Variants in TRIM2 observed in about 807,000 individuals in gnomAD.
The protein encoded by TRIM2 is tripartite motif containing 2.
In TRIM2, 20 loss-of-function variants were observed where a neutral mutation model predicts 75.2. That is an observed-to-expected ratio of 0.27 (90% CI 0.19 to 0.39). TRIM2 has a LOEUF of 0.39. Among genes scored for constraint, TRIM2 ranks in the 10% least tolerant of loss-of-function variants. The pLI is 1.00. For synonymous variants in TRIM2, 373 were observed against 388.3 expected, an observed-to-expected ratio of 0.96 and a Z score of 0.46; for missense variants, 660 against 990.8, an observed-to-expected ratio of 0.67 and a Z score of 4.48.
intron 1 of TRIM2, among the ~76,000 whole-genome samples, chr4:153,246,023 G>C (rs549918491): frequency 6.6e-6 from 1 of 152,224 alleles, no homozygotes; most frequent in East Asian, 1.9e-4. Flanking sequence ...CAATAAAATT[G>C]GGCAGTTGCA....
At chr4:153,314,949 A>G (rs1209918296) in intron 6 of TRIM2, among the ~76,000 whole-genome samples, 1 of 152,200 alleles carries the variant, frequency 6.6e-6, no homozygotes, top group African/African-American at 2.4e-5. Flanking sequence ...CCCCTTTGCC[A>G]GGTTTCCCTC....
In TRIM2 at chr4:153,194,873, A is replaced by G. The variant is rs575903321; in HGVS notation, c.-49+41603A>G. 1.0e-3 allele frequency among the ~76,000 whole-genome samples: 153 copies of G among 152,226 alleles called. 8 individuals are homozygous for G. The South Asian group carries it at 0.031, about 31-fold the overall frequency. ...TATTTTCCCTTTAGGGATTGATTAC[A>G]CTTATTTCTGTCTCCCTTGCCTGTG... On this transcript the variant is annotated intron_variant, in intron 1 of 11. Transcript: ENST00000437508.
intron 11 of TRIM2, among the ~76,000 whole-genome samples, chr4:153,331,783 G>C (rs566816881): frequency 6.6e-6 from 1 of 152,278 alleles, no homozygotes; most frequent in African/African-American, 2.4e-5. Flanking sequence ...ATGTAATATG[G>C]TGGAGGAATA....
At chr4:153,244,104 G>A in intron 1 of TRIM2, among the ~76,000 whole-genome samples, 1 of 151,132 alleles carries the variant, frequency 6.6e-6, no homozygotes, top group African/African-American at 2.5e-5. Flanking sequence ...ACACACATGA[G>A]CTACTGTGCC....
intron 3 of TRIM2, among the ~76,000 whole-genome samples, chr4:153,280,121 A>G (rs549532887): frequency 3.3e-5 from 5 of 151,178 alleles, no homozygotes; most frequent in Admixed American, 3.3e-4. Flanking sequence ...AGTTAGAAAA[A>G]GAGTAATAAA....
chr4:153,318,609 A>G (rs564943515), intron 8 of TRIM2, among the ~76,000 whole-genome samples: 2 of 152,344 alleles, frequency 1.3e-5, no homozygotes, highest in East Asian at 1.9e-4. Context: ...GAATATTTAT[A>G]TCTTGAATAT....
chr4:153,319,338 C>A (rs1768400987), intron 8 of TRIM2, among the ~76,000 whole-genome samples: 1 of 152,178 alleles, frequency 6.6e-6, no homozygotes, highest in Non-Finnish European at 1.5e-5. Flanking sequence ...CCTCTGGCCA[C>A]CTTACTCTAA....
At chr4:153,250,399 C>T (rs907792579) in intron 1 of TRIM2, among the ~76,000 whole-genome samples, 3 of 152,142 alleles carry the variant, frequency 2.0e-5, no homozygotes, top group Admixed American at 6.6e-5. Flanking sequence ...GGATTACAGG[C>T]GTGAGCCACC....
intron 1 of TRIM2, among the ~76,000 whole-genome samples, chr4:153,189,751 G>A (rs530577195): frequency 9.2e-5 from 14 of 152,196 alleles, no homozygotes; most frequent in African/African-American, 3.1e-4. Flanking sequence ...AGCCACCTGC[G>A]GTTTATTTAA....
At chr4:153,320,902 G>A (rs997908306) in intron 8 of TRIM2, among the ~76,000 whole-genome samples, 1 of 152,140 alleles carries the variant, frequency 6.6e-6, no homozygotes, top group Non-Finnish European at 1.5e-5. Flanking sequence ...AAAGTGCTGG[G>A]ATTACAGGTG....
chr4:153,328,420 A>G (rs1770714473), intron 10 of TRIM2, 110 bp from the exon 11 acceptor site: 2 of 1,004,182 alleles, frequency 2.0e-6, no homozygotes, highest in Non-Finnish European at 2.8e-6. Context: ...AATGTCTTAA[A>G]TGATAAGTCT....
chr4:153,179,270 A>C (rs1478703694), intron 1 of TRIM2, among the ~76,000 whole-genome samples: 2 of 149,776 alleles, frequency 1.3e-5, no homozygotes, highest in Non-Finnish European at 3.0e-5. Flanking sequence ...CTTAATAATA[A>C]AATTAATTTA....
intron 1 of TRIM2, among the ~76,000 whole-genome samples, chr4:153,193,135 T>G (rs1733384179): frequency 6.8e-6 from 1 of 146,578 alleles, no homozygotes; most frequent in Admixed American, 6.8e-5. Flanking sequence ...ATCTTTTTTT[T>G]TTTTTTTTTT....
chr4:153,167,104 G>T (rs1334163401), intron 1 of TRIM2, among the ~76,000 whole-genome samples: 1 of 152,230 alleles, frequency 6.6e-6, no homozygotes, highest in Non-Finnish European at 1.5e-5. Flanking sequence ...CTAGTTGCAT[G>T]ACCTTGGTCA....
At chr4:153,272,644 G>T (rs1157421070) in intron 2 of TRIM2, among the ~76,000 whole-genome samples, 1 of 151,632 alleles carries the variant, frequency 6.6e-6, no homozygotes, top group East Asian at 2.0e-4. Flanking sequence ...ACACCACCAT[G>T]CCTGACTATA....
At chr4:153,207,310 C>G (rs1735753871) in intron 1 of TRIM2, among the ~76,000 whole-genome samples, 1 of 152,156 alleles carries the variant, frequency 6.6e-6, no homozygotes, top group Admixed American at 6.6e-5. Context: ...ACAGACGACA[C>G]ACAGAGGCAG....
chr4:153,194,970 A>T (rs1182126938), intron 1 of TRIM2, among the ~76,000 whole-genome samples: 1 of 152,220 alleles, frequency 6.6e-6, no homozygotes. Context: ...TCCCCAGAAG[A>T]TATGTCTACG....
chr4:153,200,320 CT>C (rs2149677054), upstream of TRIM2, among the ~76,000 whole-genome samples: 1 of 152,286 alleles, frequency 6.6e-6, no homozygotes, highest in South Asian at 2.1e-4. Context: ...TGTCTGGCTT[CT>C]TTCACTTAGC....
At chr4:153,328,365 C>T (rs1332458084) in intron 10 of TRIM2, among the ~76,000 whole-genome samples, 165 bp from the exon 11 acceptor site, 2 of 152,138 alleles carry the variant, frequency 1.3e-5, no homozygotes, top group Non-Finnish European at 2.9e-5. Flanking sequence ...TGGGGAACCA[C>T]AATGATATGC....
Sources: gnomAD v4.1 joint callset for allele counts (sites outside exome capture counted in the v4.1 genomes callset) on GRCh38, gnomAD v4.1.1 for gene constraint, MANE v1.5 for transcripts, NCBI Gene and HGNC (gene_info 2026-07-23, HGNC 2026-07-21) for gene names.